LINGO2: variants seen among roughly 807,000 people sequenced by gnomAD.
The protein encoded by LINGO2 is leucine-rich repeat and immunoglobulin-like domain-containing nogo receptor-interacting protein 2.
LINGO2 carries 14 observed loss-of-function variants against 30.6 expected under a neutral mutation model. The ratio of observed to expected loss-of-function variants is 0.46; its 90% CI spans 0.30 to 0.72. The LOEUF (loss-of-function observed/expected upper bound fraction) is 0.72. LINGO2 is among the 30% of genes least tolerant of loss of function. The pLI is 0.07. For missense variants in LINGO2, 729 were observed against 751.7 expected, an observed-to-expected ratio of 0.97 and a Z score of 0.35; for synonymous variants, 317 against 288.5, an observed-to-expected ratio of 1.10 and a Z score of -1.00.
At chr9:29,067,548 G>A in the LINGO2 span, among the ~76,000 whole-genome samples, 3 of 151,460 alleles carry the variant, frequency 2.0e-5, no homozygotes, top group East Asian at 3.9e-4. Flanking sequence ...ACAAAAACAC[G>A]GCAGAAATCT....
chr9:28,775,222 T>C, the LINGO2 span, among the ~76,000 whole-genome samples: 6 of 152,102 alleles, frequency 3.9e-5, no homozygotes, highest in African/African-American at 1.4e-4. Context: ...GTCCCGGTGT[T>C]TTGGTTGTGA....
intron 4 of LINGO2, among the ~76,000 whole-genome samples, chr9:28,155,457 T>C (rs1247810897): frequency 6.6e-6 from 1 of 152,212 alleles, no homozygotes; most frequent in Non-Finnish European, 1.5e-5. Flanking sequence ...CTCTAGACAA[T>C]AGTCAAAATG....
chr9:28,415,583 A>G (rs1263138200), intron 2 of LINGO2, among the ~76,000 whole-genome samples: 2 of 151,972 alleles, frequency 1.3e-5, no homozygotes, highest in Non-Finnish European at 2.9e-5. Context: ...ATGCACTACC[A>G]TTTTCCTGGA....
intron 1 of LINGO2, 90 bp downstream of exon 3, chr9:28,670,110 C>G (rs1306177648): frequency 6.6e-6 from 1 of 151,988 alleles, no homozygotes; most frequent in East Asian, 1.9e-4. Flanking sequence ...AAATTATCCA[C>G]TTCCTTGGTA....
At chr9:29,159,832 C>CA in the LINGO2 span, among the ~76,000 whole-genome samples, 21,514 of 134,794 alleles carry the variant, frequency 0.16, 1,801 homozygotes, top group Non-Finnish European at 0.2. Flanking sequence ...CAGCCTGGGC[C>CA]AAAAAAAAAA....
At chr9:28,145,761 T>C (rs1466220693) in intron 4 of LINGO2, among the ~76,000 whole-genome samples, 2 of 152,188 alleles carry the variant, frequency 1.3e-5, no homozygotes, top group Non-Finnish European at 2.9e-5. Context: ...TACACAGTTT[T>C]TATACAATTT....
At chr9:28,784,545 G>C in the LINGO2 span, among the ~76,000 whole-genome samples, 1 of 152,120 alleles carries the variant, frequency 6.6e-6, no homozygotes, top group Non-Finnish European at 1.5e-5. Flanking sequence ...GATATAAAAA[G>C]TTTTGCACAT....
chr9:28,990,049 G>A, the LINGO2 span, among the ~76,000 whole-genome samples: 1 of 152,236 alleles, frequency 6.6e-6, no homozygotes. Flanking sequence ...GCGCAGGACA[G>A]TGGTTGCAGT....
chr9:29,092,387 T>C, the LINGO2 span, among the ~76,000 whole-genome samples: 1 of 151,864 alleles, frequency 6.6e-6, no homozygotes, highest in Non-Finnish European at 1.5e-5. Flanking sequence ...CACCAAAAAG[T>C]TTCCCAGGTA....
chr9:29,183,333 C>T, the LINGO2 span, among the ~76,000 whole-genome samples: 8 of 152,184 alleles, frequency 5.3e-5, no homozygotes, highest in African/African-American at 1.9e-4. Flanking sequence ...CCCAACATCA[C>T]TCTGATCACA....
At chr9:28,155,031 A>C (rs748635011) in intron 4 of LINGO2, among the ~76,000 whole-genome samples, 2 of 152,210 alleles carry the variant, frequency 1.3e-5, no homozygotes, top group African/African-American at 2.4e-5. Flanking sequence ...CTTGTTATTG[A>C]AACTTGATGT....
chr9:28,009,836 G>T (rs73441722), intron 5 of LINGO2, among the ~76,000 whole-genome samples: 17,921 of 152,114 alleles, frequency 0.12, 1,176 homozygotes, highest in South Asian at 0.2. Context: ...GGTAACATAG[G>T]TGTACCACAT....
intron 1 of LINGO2, among the ~76,000 whole-genome samples, chr9:28,549,970 C>A (rs1211426893): frequency 6.6e-6 from 1 of 151,840 alleles, no homozygotes; most frequent in African/African-American, 2.4e-5. Flanking sequence ...ATTATCTTCA[C>A]AACATCCTGT....
intron 1 of LINGO2, among the ~76,000 whole-genome samples, chr9:28,629,719 G>A (rs915260709): frequency 1.3e-5 from 2 of 151,944 alleles, no homozygotes. Context: ...GGTAGAACTA[G>A]AGTACAATAT....
intron 2 of LINGO2, among the ~76,000 whole-genome samples, chr9:28,434,529 CA>C (rs3064822): frequency 0.099 from 13,015 of 130,874 alleles, 662 homozygotes; most frequent in Middle Eastern, 0.16. Context: ...TCTTGAGCAT[CA>C]AAAAAAAAAA....
intron 4 of LINGO2, among the ~76,000 whole-genome samples, chr9:28,228,628 T>C (rs2133927548): frequency 6.6e-6 from 1 of 152,072 alleles, no homozygotes; most frequent in Non-Finnish European, 1.5e-5. Context: ...TCAAGTAGCC[T>C]GAGAATGTAA....
At chr9:28,094,292 C>T (rs1233400102) in intron 4 of LINGO2, among the ~76,000 whole-genome samples, 4 of 152,086 alleles carry the variant, frequency 2.6e-5, no homozygotes, top group Admixed American at 2.6e-4. Context: ...TACCTTTCTG[C>T]TGTTGCTTGT....
the LINGO2 span, among the ~76,000 whole-genome samples, chr9:28,869,891 T>C: frequency 6.6e-6 from 1 of 151,930 alleles, no homozygotes; most frequent in South Asian, 2.1e-4. Context: ...CTACCCTGCC[T>C]TTCGATTCTT....
At chr9:28,902,532 T>A in the LINGO2 span, among the ~76,000 whole-genome samples, 1 of 152,174 alleles carries the variant, frequency 6.6e-6, no homozygotes, top group Non-Finnish European at 1.5e-5. Flanking sequence ...TTAGGCCAGA[T>A]GAATCTAACA....
Sources: gnomAD v4.1 joint callset for allele counts (sites outside exome capture counted in the v4.1 genomes callset) on GRCh38, gnomAD v4.1.1 for gene constraint, MANE v1.5 for transcripts, NCBI Gene and HGNC (gene_info 2026-07-23, HGNC 2026-07-21) for gene names.